Variants in MED12L observed in about 807,000 individuals in gnomAD.
The protein encoded by MED12L is mediator complex subunit 12L.
In MED12L, 60 loss-of-function variants were observed where a neutral mutation model predicts 281.3. The ratio of observed to expected loss-of-function variants is 0.21; its 90% CI spans 0.17 to 0.26. The LOEUF (loss-of-function observed/expected upper bound fraction) is 0.26, where lower values mean the gene tolerates loss of function less well. MED12L is among the 10% of genes least tolerant of loss of function. The probability of loss-of-function intolerance (pLI) is 1.00; values close to 1 mark genes in which losing one functional copy is unlikely to be tolerated. For synonymous variants in MED12L, 974 were observed against 987.2 expected, an observed-to-expected ratio of 0.99 and a Z score of 0.25; for missense variants, 2,146 against 2,680.9, an observed-to-expected ratio of 0.80 and a Z score of 4.41.
rs549417558 is a variant in MED12L, at chr3:151,192,567, G to A, written c.1986G>A (p.Ala662=). The change falls in exon 15 of 45, where the codon GCG becomes GCA. Residue 662 remains alanine (A), a synonymous_variant. Transcript: ENST00000687756. The part of the protein sequence containing the change: ...DVKMEEQSIM[A]HMGIDSGTTN... The stretch of plus-strand genomic sequence containing the variant: ...ATTATCAGGAACAGAGTATTATGGC[G>A]CATATGGGCATTGACTCAGGAACCA... 29 of 1,534,422 alleles carry A rather than the reference G, an allele frequency of 1.9e-5. No individual in the cohort carries two copies. The highest frequency in any genetic ancestry group is 1.2e-4 in the East Asian group (5 of 40,884).
intron 2 of MED12L, among the ~76,000 whole-genome samples, chr3:151,109,893 G>A (rs1711599931): frequency 1.3e-5 from 2 of 152,144 alleles, no homozygotes; most frequent in African/African-American, 2.4e-5. Context: ...CCCAGAGCAC[G>A]ACCCTGGGAA....
chr3:151,393,514 T>G (rs1230377185), intron 38 of MED12L, among the ~76,000 whole-genome samples: 1 of 120,032 alleles, frequency 8.3e-6, no homozygotes, highest in African/African-American at 3.1e-5. Flanking sequence ...CAACCCCCCC[T>G]CCCACCGTAA....
chr3:151,256,850 T>TG (rs1491161612), intron 16 of MED12L, among the ~76,000 whole-genome samples: 1 of 142,682 alleles, frequency 7.0e-6, no homozygotes, highest in Non-Finnish European at 1.6e-5. Flanking sequence ...ATGACAGAGG[T>TG]TTTTTTTTTG....
intron 16 of MED12L, chr3:151,340,491 A>G (rs1219286753): frequency 6.6e-6 from 1 of 152,622 alleles, no homozygotes; most frequent in African/African-American, 2.4e-5. Context: ...GCTTGCATTG[A>G]TAGTTATTAA....
chr3:151,115,823 T>C (rs532242168), intron 2 of MED12L, among the ~76,000 whole-genome samples: 2 of 151,796 alleles, frequency 1.3e-5, no homozygotes, highest in East Asian at 3.9e-4. Flanking sequence ...TTTGGGAGGC[T>C]GAGGCCAGAG....
chr3:151,246,642 A>C (rs964040891), intron 16 of MED12L, among the ~76,000 whole-genome samples: 17 of 152,210 alleles, frequency 1.1e-4, no homozygotes, highest in African/African-American at 4.1e-4. Context: ...AAAGACTTAA[A>C]CGTTAGACCT....
At chr3:151,405,154 T>C (rs1468207076) in intron 39 of MED12L, among the ~76,000 whole-genome samples, 1 of 152,210 alleles carries the variant, frequency 6.6e-6, no homozygotes, top group Non-Finnish European at 1.5e-5. Flanking sequence ...GCACAGCTTC[T>C]TTAGAAGTTT....
chr3:151,127,757 A>G (rs1714747788), intron 4 of MED12L, 68 bp from the exon 5 acceptor site: 8 of 1,126,818 alleles, frequency 7.1e-6, no homozygotes, highest in Non-Finnish European at 1.0e-5. Context: ...CTTCCCCTTT[A>G]TTTAGGTTTA....
At chr3:151,153,818 C>T (rs1718906358) in intron 5 of MED12L, among the ~76,000 whole-genome samples, 2 of 152,116 alleles carry the variant, frequency 1.3e-5, no homozygotes, top group Non-Finnish European at 2.9e-5. Context: ...ATTGGCCTGC[C>T]TCTGCCTCCC....
At chr3:151,260,708 G>C (rs1738705352) in intron 16 of MED12L, among the ~76,000 whole-genome samples, 1 of 152,086 alleles carries the variant, frequency 6.6e-6, no homozygotes, top group Non-Finnish European at 1.5e-5. Flanking sequence ...GACCGGCTTT[G>C]TTTCCCAGTG....
chr3:151,333,218 T>C (rs942887962), intron 16 of MED12L, among the ~76,000 whole-genome samples: 2 of 152,214 alleles, frequency 1.3e-5, no homozygotes, highest in African/African-American at 4.8e-5. Flanking sequence ...CACATGCATG[T>C]GTCTCTATGA....
At chr3:151,290,922 G>A (rs1470323194) in intron 16 of MED12L, among the ~76,000 whole-genome samples, 1 of 152,148 alleles carries the variant, frequency 6.6e-6, no homozygotes, top group African/African-American at 2.4e-5. Context: ...CATCTACTAT[G>A]ATACTTGTAT....
intron 16 of MED12L, among the ~76,000 whole-genome samples, chr3:151,263,889 A>G (rs1739365191): frequency 6.6e-6 from 1 of 152,224 alleles, no homozygotes; most frequent in Admixed American, 6.5e-5. Context: ...TGTTGAAGTC[A>G]GTGCAGGGTA....
At position 151,206,880 on chromosome 3, in the gene MED12L, G is replaced by C. The variant is rs571712905; in HGVS notation, c.2250+13214G>C. Among the ~76,000 whole-genome samples the C allele has an allele frequency of 6.7e-4, 102 of 151,840 alleles. 1 individual carries two copies. In the South Asian group the frequency reaches 0.014, roughly 21 times the overall value. On this transcript the variant is annotated intron_variant, in intron 16 of 44. Coordinates refer to ENST00000687756, the MANE Select transcript of MED12L (RefSeq NM_001393769.1). Reference sequence around the variant, plus strand: ...AGGATGGTTTCGATCTCCTGACCTCGTGATCCACCTGCCTCGGCCTCCCAC... The same window carrying C: ...AGGATGGTTTCGATCTCCTGACCTCCTGATCCACCTGCCTCGGCCTCCCAC...
At chr3:151,354,024 C>T (rs906916483) in intron 17 of MED12L, among the ~76,000 whole-genome samples, 3 of 149,532 alleles carry the variant, frequency 2.0e-5, no homozygotes, top group Non-Finnish European at 4.5e-5. Context: ...GCCTGTAGTC[C>T]CAGCTACTTG....
intron 40 of MED12L, among the ~76,000 whole-genome samples, chr3:151,409,811 A>T (rs1716748527): frequency 6.6e-6 from 1 of 152,054 alleles, no homozygotes; most frequent in Non-Finnish European, 1.5e-5. Flanking sequence ...AATAAAAATT[A>T]AAAAATTAGC....
chr3:151,401,627 C>T (rs1037490193), intron 39 of MED12L, among the ~76,000 whole-genome samples: 4 of 152,096 alleles, frequency 2.6e-5, no homozygotes, highest in Non-Finnish European at 4.4e-5. Context: ...ATAAATAGAG[C>T]ATATTTCAAA....
chr3:151,422,683 G>A (rs377717279), intron 43 of MED12L, among the ~76,000 whole-genome samples: 4 of 152,206 alleles, frequency 2.6e-5, no homozygotes, highest in East Asian at 1.9e-4. Flanking sequence ...TGGGTGTTAC[G>A]ACTCCAGCAT....
intron 5 of MED12L, among the ~76,000 whole-genome samples, chr3:151,140,898 C>T (rs762601566): frequency 4.7e-5 from 7 of 149,290 alleles, no homozygotes; most frequent in African/African-American, 1.5e-4. Context: ...GAGGGAGTCT[C>T]GCTCTGTTGC....
Sources: gnomAD v4.1 joint callset for allele counts (sites outside exome capture counted in the v4.1 genomes callset) on GRCh38, gnomAD v4.1.1 for gene constraint, MANE v1.5 for transcripts, NCBI Gene and HGNC (gene_info 2026-07-23, HGNC 2026-07-21) for gene names.